Variants in FHL2 observed in about 807,000 individuals in gnomAD.
FHL2 encodes the protein four and a half LIM domains protein 2.
Under a neutral mutation model 32.7 loss-of-function variants are expected in FHL2, and 20 were observed. That is an observed-to-expected ratio of 0.61 (90% CI 0.43 to 0.89). FHL2 has a LOEUF of 0.89. FHL2 is among the 40% of genes least tolerant of loss of function. FHL2 has a pLI of 0.00. For missense variants in FHL2, 311 were observed against 358.6 expected, an observed-to-expected ratio of 0.87 and a Z score of 1.07; for synonymous variants, 123 against 128.1, an observed-to-expected ratio of 0.96 and a Z score of 0.27.
intron 1 of FHL2, among the ~76,000 whole-genome samples, chr2:105,412,040 C>G (rs1683808376): frequency 1.3e-5 from 2 of 152,060 alleles, no homozygotes; most frequent in African/African-American, 4.8e-5. Context: ...CCAATAAGTT[C>G]CGGTCAAGGT....
intron 1 of FHL2, among the ~76,000 whole-genome samples, chr2:105,409,505 T>C (rs1683732901): frequency 6.6e-6 from 1 of 152,182 alleles, no homozygotes; most frequent in African/African-American, 2.4e-5. Context: ...CCCAAGTTAA[T>C]AGTAAATTTT....
At chr2:105,375,938 G>C (rs1415956502) in intron 3 of FHL2, 1 of 152,222 alleles carries the variant, frequency 6.6e-6, no homozygotes, top group East Asian at 1.9e-4. Context: ...AAGTGAAATA[G>C]AGGACAAACT....
chr2:105,420,529 T>C (rs965104061), intron 1 of FHL2, among the ~76,000 whole-genome samples: 1 of 152,136 alleles, frequency 6.6e-6, no homozygotes, highest in African/African-American at 2.4e-5. Flanking sequence ...ACACCTTCAC[T>C]AATAATAGTA....
chr2:105,417,498 A>G (rs1433632867), intron 1 of FHL2, among the ~76,000 whole-genome samples: 1 of 152,070 alleles, frequency 6.6e-6, no homozygotes, highest in Non-Finnish European at 1.5e-5. Context: ...AGCCTGGGCA[A>G]CATGGTGAAA....
intron 2 of FHL2, among the ~76,000 whole-genome samples, chr2:105,394,664 C>A (rs1446805207): frequency 2.0e-5 from 3 of 151,990 alleles, no homozygotes; most frequent in African/African-American, 7.2e-5. Flanking sequence ...CACTTGAAAT[C>A]TATTTTTAAA....
intron 1 of FHL2, among the ~76,000 whole-genome samples, chr2:105,414,443 A>G (rs1420604126): frequency 6.6e-6 from 1 of 152,132 alleles, no homozygotes; most frequent in Non-Finnish European, 1.5e-5. Flanking sequence ...TCCAGTGACC[A>G]ACCCCCATCC....
In FHL2 at chr2:105,367,697, G is replaced by A. The variant is rs773356788; in HGVS notation, c.374C>T (p.Thr125Ile). 1.9e-6 allele frequency: 3 copies of A among 1,614,182 alleles called. No homozygotes were observed. Among genetic ancestry groups the A allele is most frequent in the Non-Finnish European group, 2.5e-6 (3 of 1,180,036 alleles). ...CTGGCAGCGGTGGCAGATGAAGCAG[G>A]TCTCATGCCAGCTGCTGCCCTTGTA... ...MEYKGSSWHE[T>I]CFICHRCQQP... Residue 125 changes from threonine to isoleucine, a missense_variant, in exon 5 of 7, where the codon ACC (threonine) becomes ATC (isoleucine). Thr to Ile is a moderately conservative substitution (Grantham distance 89, BLOSUM62 -1). Transcript: ENST00000530340.
upstream of FHL2, chr2:105,399,191 C>T (rs1369313574): frequency 1.4e-6 from 2 of 1,423,614 alleles, no homozygotes; most frequent in South Asian, 3.0e-5. Context: ...GCCGTGCCCC[C>T]GCCCCGGGCT....
chr2:105,416,286 A>C (rs976045356), intron 1 of FHL2, among the ~76,000 whole-genome samples: 4 of 152,228 alleles, frequency 2.6e-5, no homozygotes, highest in African/African-American at 9.6e-5. Flanking sequence ...AATTTTTGCA[A>C]ATCTCTTTAA....
chr2:105,363,569 A>G, intron 5 of FHL2, 98 bp from the exon 6 acceptor site: 1 of 1,163,948 alleles, frequency 8.6e-7, no homozygotes, highest in Admixed American at 2.5e-5. Flanking sequence ...CCTCATCCAG[A>G]AACGTCCAGT....
At chr2:105,434,718 T>A (rs1684537210) in intron 1 of FHL2, among the ~76,000 whole-genome samples, 1 of 152,324 alleles carries the variant, frequency 6.6e-6, no homozygotes, top group African/African-American at 2.4e-5. Flanking sequence ...TTACCTATAG[T>A]GCTGTTGTAT....
At chr2:105,371,634 C>T (rs879789595) in intron 4 of FHL2, among the ~76,000 whole-genome samples, 6 of 151,542 alleles carry the variant, frequency 4.0e-5, no homozygotes, top group Non-Finnish European at 7.4e-5. Flanking sequence ...CTCTGGAGAA[C>T]GTGACTAACA....
Position 105,390,859 on chromosome 2 carries a change from T to C in FHL2, c.-24-4319A>G, listed in dbSNP as rs181831980. ...TCACCCAGGCTGGAGTGCAGTGGCA[T>C]GATCTCAGCTCACTGCAGCCTCCAC... On this transcript the variant is annotated intron_variant, in intron 2 of 6. Transcript: ENST00000530340. 9.9e-3 allele frequency among the ~76,000 whole-genome samples: 1,500 copies of C among 151,608 alleles called. 10 individuals carry two copies. The highest frequency in any genetic ancestry group is 0.034 in the Middle Eastern group (10 of 294).
chr2:105,392,489 A>G (rs536015044), intron 2 of FHL2, among the ~76,000 whole-genome samples: 4 of 144,206 alleles, frequency 2.8e-5, no homozygotes, highest in African/African-American at 1.0e-4. Context: ...GTCTCCAAAG[A>G]AAAAAAAGAA....
chr2:105,399,488 G>A, upstream of FHL2: 1 of 1,536,176 alleles, frequency 6.5e-7, no homozygotes, highest in Non-Finnish European at 8.7e-7. Flanking sequence ...CAAGGTGGAC[G>A]TTTTTCCTTC....
intron 2 of FHL2, among the ~76,000 whole-genome samples, chr2:105,387,654 G>T (rs1471939996): frequency 6.6e-6 from 1 of 152,232 alleles, no homozygotes; most frequent in East Asian, 1.9e-4. Context: ...TACACTGTGG[G>T]TGGGAGTGTA....
intron 2 of FHL2, among the ~76,000 whole-genome samples, chr2:105,392,458 C>G (rs1682797676): frequency 6.6e-6 from 1 of 151,790 alleles, no homozygotes. Flanking sequence ...AAGGAAACAG[C>G]CTCATGGTGA....
chr2:105,428,578 G>T (rs1047251259), intron 1 of FHL2, among the ~76,000 whole-genome samples: 7 of 152,186 alleles, frequency 4.6e-5, no homozygotes, highest in Admixed American at 2.6e-4. Flanking sequence ...GGACAGGCCC[G>T]CCCATGGCTG....
At chr2:105,425,398 G>GA in intron 1 of FHL2, among the ~76,000 whole-genome samples, 1 of 152,178 alleles carries the variant, frequency 6.6e-6, no homozygotes, top group South Asian at 2.1e-4. Context: ...TATTGTCCAA[G>GA]GTTTCTCCCC....
Sources: gnomAD v4.1 joint callset for allele counts (sites outside exome capture counted in the v4.1 genomes callset) on GRCh38, gnomAD v4.1.1 for gene constraint, MANE v1.5 for transcripts, NCBI Gene and HGNC (gene_info 2026-07-23, HGNC 2026-07-21) for gene names.